WFDC6: variants seen among roughly 807,000 people sequenced by gnomAD.
WFDC6 encodes the protein WAP four-disulfide core domain 6, also known as WAP four-disulfide core domain protein 6.
Under a neutral mutation model 8.2 loss-of-function variants are expected in WFDC6, and 10 were observed. The observed-to-expected ratio is 1.22, with a 90% CI of 0.75 to 2.07. The LOEUF (loss-of-function observed/expected upper bound fraction) is 2.07. WFDC6 is among the 30% of genes most tolerant of loss of function. The pLI is 0.00. For missense variants in WFDC6, 105 were observed against 104.9 expected (o/e 1.00, Z 0.00); for synonymous variants, 28 against 37.0 (o/e 0.76, Z 0.88).
Position 45,539,388 on chromosome 20 carries a change from A to G in WFDC6, c.20T>C (p.Leu7Pro). 1 of 1,613,872 alleles carries G rather than the reference A, an allele frequency of 6.2e-7. No individual in the cohort carries two copies. The highest frequency in any genetic ancestry group is 8.5e-7 in the Non-Finnish European group (1 of 1,179,810). The change falls in exon 1 of 3, where the codon CTG becomes CCG. Residue 7 changes from leucine to proline, a missense_variant. Leu to Pro is a moderately conservative substitution (Grantham distance 98). Coordinates refer to ENST00000372670, the MANE Select transcript of WFDC6 (RefSeq NM_080827.2). ...AAGGATGAATGGTACCAGGATTGGC[A>G]GAAGTCCTGAGAGTCCCATTTTAGG... Reference protein sequence around the residue: MGLSGLLPILVPFILLG... With the variant: MGLSGLPPILVPFILLG...
chr20:45,538,535 G>A (rs1011247752), intron 1 of WFDC6, among the ~76,000 whole-genome samples: 9 of 152,154 alleles, frequency 5.9e-5, no homozygotes, highest in African/African-American at 2.2e-4. Flanking sequence ...TTTGCCCATA[G>A]GGTTGCTTTG....
chr20:45,535,424 C>T (rs1600869559), intron 2 of WFDC6: 1 of 1,187,492 alleles, frequency 8.4e-7, no homozygotes, highest in Non-Finnish European at 1.1e-6. Flanking sequence ...CCTTTGTCTC[C>T]ACTGAGAAGC....
At position 45,538,088 on chromosome 20, in the gene WFDC6, C is replaced by G; in HGVS notation, c.98G>C (p.Cys33Ser). 6.2e-7 allele frequency: 1 copy of G among 1,613,932 alleles called. No individual in the cohort carries two copies. The highest frequency in any genetic ancestry group is 1.3e-5 in the African/African-American group (1 of 75,000). Reference protein sequence around the residue: ...GHAEGILGKPCPKIKVECEVE... With the variant: ...GHAEGILGKPSPKIKVECEVE... ...TTCGCATTCCACTTTGATTTTGGGA[C>G]ACGGCTCTAAGGGAGGGGAAGATAT... is the stretch of plus-strand genomic sequence containing the variant. The change falls in exon 2 of 3, where the codon TGT (cysteine) becomes TCT (serine). Residue 33 changes from cysteine to serine, a missense_variant. Cys to Ser is a moderately radical substitution (Grantham distance 112). Transcript: ENST00000372670.
intron 2 of WFDC6, chr20:45,535,383 G>A: frequency 8.0e-7 from 1 of 1,250,140 alleles, no homozygotes; most frequent in Non-Finnish European, 1.0e-6. Flanking sequence ...CCTGGAGAAT[G>A]TCCATCTCTC....
chr20:45,534,535 G>A, intron 2 of WFDC6, 30 bp from the exon 3 acceptor site: 1 of 1,613,214 alleles, frequency 6.2e-7, no homozygotes. Context: ...AGGGTGAGAT[G>A]CTTGGACCCT....
intron 2 of WFDC6, chr20:45,537,592 C>T (rs1979415012): frequency 3.3e-6 from 5 of 1,530,940 alleles, no homozygotes; most frequent in Non-Finnish European, 2.7e-6. Context: ...ATACCTGTCT[C>T]TTATAGCTAT....
At chr20:45,537,425 G>T in intron 2 of WFDC6, 1 of 1,119,972 alleles carries the variant, frequency 8.9e-7, no homozygotes, top group Non-Finnish European at 1.3e-6. Flanking sequence ...TTTGTTGAAT[G>T]AATAGAATGA....
intron 2 of WFDC6, 43 bp downstream of exon 2, chr20:45,537,921 A>T (rs758432792): frequency 1.5e-5 from 24 of 1,613,240 alleles, no homozygotes; most frequent in Non-Finnish European, 2.0e-5. Flanking sequence ...AGGTGGAGAT[A>T]GGAGGTGAGG....
At chr20:45,538,257 C>T (rs917601122) in intron 1 of WFDC6, among the ~76,000 whole-genome samples, 163 bp from the exon 2 acceptor site, 6 of 152,120 alleles carry the variant, frequency 3.9e-5, no homozygotes, top group Non-Finnish European at 8.8e-5. Context: ...CAACACTGCT[C>T]ACATCCCCAA....
At chr20:45,535,315 G>A in intron 2 of WFDC6, 1 of 1,303,676 alleles carries the variant, frequency 7.7e-7, no homozygotes, top group Non-Finnish European at 1.0e-6. Context: ...GCCTCCTGTG[G>A]CATACTGCAT....
chr20:45,539,466 C>T lies in WFDC6; in HGVS notation c.-59G>A, dbSNP rs932471414. On this transcript the variant is annotated 5_prime_UTR_variant, in exon 1 of 3. Transcript: ENST00000372670. Reference sequence around the variant, plus strand: ...AACTAAGAACTGCTCCTCAGCAGCTCCTACATCTGCACTTTGCCTGCCCCG... The same window carrying T: ...AACTAAGAACTGCTCCTCAGCAGCTTCTACATCTGCACTTTGCCTGCCCCG... 7.1e-5 allele frequency: 107 copies of T among 1,509,668 alleles called. No homozygotes were observed. Among genetic ancestry groups the T allele is most frequent in the Non-Finnish European group, 9.3e-5 (101 of 1,086,280 alleles). 93.5% of individuals were successfully genotyped at this position (1,509,668 alleles called of 1,614,324 possible). A position where few individuals can be genotyped will look rare whatever the true frequency, so the allele number is the denominator to read the frequency against.
intron 2 of WFDC6, chr20:45,535,228 G>A (rs1489612048): frequency 2.2e-5 from 29 of 1,304,146 alleles, no homozygotes; most frequent in Non-Finnish European, 2.5e-5. Flanking sequence ...CCTGGCTACC[G>A]CCATAGATGA....
chr20:45,535,516 C>T (rs537566564), intron 2 of WFDC6, among the ~76,000 whole-genome samples: 4 of 152,170 alleles, frequency 2.6e-5, no homozygotes, highest in Non-Finnish European at 5.9e-5. Context: ...ACTTCCTCAT[C>T]TGTAAGATGA....
intron 2 of WFDC6, chr20:45,537,597 A>G (rs936460812): frequency 2.6e-6 from 4 of 1,524,118 alleles, no homozygotes; most frequent in African/African-American, 1.4e-5. Flanking sequence ...TGTCTCTTAT[A>G]GCTATCATAT....
At chr20:45,537,546 G>C in intron 2 of WFDC6, 2 of 1,550,094 alleles carry the variant, frequency 1.3e-6, no homozygotes, top group Non-Finnish European at 1.7e-6. Context: ...TGTAGACAGA[G>C]AGGCCTAGAG....
chr20:45,539,200 C>A, intron 1 of WFDC6, 117 bp downstream of exon 1: 1 of 1,006,152 alleles, frequency 9.9e-7, no homozygotes, highest in Admixed American at 2.1e-5. Flanking sequence ...TCTTTCCCAC[C>A]TGGAATTCCA....
chr20:45,538,355 C>A (rs1979452078), intron 1 of WFDC6, among the ~76,000 whole-genome samples: 1 of 152,174 alleles, frequency 6.6e-6, no homozygotes, highest in South Asian at 2.1e-4. Context: ...AAGACGCATT[C>A]CTCTAAGACT....
chr20:45,537,516 G>A, intron 2 of WFDC6: 1 of 1,549,460 alleles, frequency 6.5e-7, no homozygotes. Flanking sequence ...AAGGTGGTCA[G>A]GGAAGGCATC....
At chr20:45,535,408 C>A in intron 2 of WFDC6, 1 of 1,209,818 alleles carries the variant, frequency 8.3e-7, no homozygotes. Flanking sequence ...TCTCTGGCCA[C>A]CATTCCCTTT....
Sources: gnomAD v4.1 joint callset for allele counts (sites outside exome capture counted in the v4.1 genomes callset) on GRCh38, gnomAD v4.1.1 for gene constraint, MANE v1.5 for transcripts, NCBI Gene and HGNC (gene_info 2026-07-23, HGNC 2026-07-21) for gene names.